The following TECPR2 variants were observed in gnomAD, a reference collection of about 807,000 sequenced individuals.
TECPR2 encodes the protein tectonin beta-propeller repeat-containing protein 2.
Under a neutral mutation model 138.1 loss-of-function variants are expected in TECPR2, and 65 were observed. The observed-to-expected ratio is 0.47, with a 90% CI of 0.39 to 0.58. The LOEUF (loss-of-function observed/expected upper bound fraction) is 0.58, where lower values mean the gene tolerates loss of function less well. Ranked by LOEUF, TECPR2 falls within the 20% of genes least tolerant of loss-of-function variation. TECPR2 has a pLI of 0.00. For synonymous variants in TECPR2, 746 were observed against 749.8 expected (o/e 0.99, Z 0.08); for missense variants, 1,553 against 1,824.5 (o/e 0.85, Z 2.71).
intron 4 of TECPR2, among the ~76,000 whole-genome samples, chr14:102,414,161 T>C (rs1206594954): frequency 1.3e-5 from 2 of 152,236 alleles, no homozygotes; most frequent in African/African-American, 2.4e-5. Flanking sequence ...GAGGGGAGAC[T>C]ATAATATGAA....
chr14:102,472,643 C>T (rs2139778186), intron 17 of TECPR2, among the ~76,000 whole-genome samples: 1 of 152,358 alleles, frequency 6.6e-6, no homozygotes, highest in East Asian at 1.9e-4. Flanking sequence ...GGAAAGAAAT[C>T]AGGCTTCACA....
At chr14:102,492,502 T>A (rs1891180480) in intron 17 of TECPR2, among the ~76,000 whole-genome samples, 1 of 152,222 alleles carries the variant, frequency 6.6e-6, no homozygotes, top group Admixed American at 6.5e-5. Flanking sequence ...CCTCCAGTAA[T>A]ACAAAATAGA....
rs1436850510 is a variant in TECPR2, at chr14:102,414,767, GC to G, written c.613del (p.Gln205LysfsTer27). ...LFYTEEKSVR[Q>X]IGTQPRKSTG... ...TTTACACTGAAGAAAAGTCTGTAAG[GC>G]AAATTGGAACACAACCAAGGAAAAG... is the stretch of plus-strand genomic sequence containing the variant. On this transcript the variant is annotated frameshift_variant, in exon 5 of 20. Coordinates refer to ENST00000359520, the MANE Select transcript of TECPR2 (RefSeq NM_014844.5). LOFTEE classifies it high-confidence loss of function. The G allele has an allele frequency of 6.2e-7, 1 of 1,614,060 alleles. No homozygotes were observed. The highest frequency in any genetic ancestry group is 8.5e-7 in the Non-Finnish European group (1 of 1,180,030).
At chr14:102,458,964 C>CATATATAT (rs1162146439) in intron 16 of TECPR2, among the ~76,000 whole-genome samples, 7 of 79,276 alleles carry the variant, frequency 8.8e-5, no homozygotes, top group African/African-American at 3.8e-4. Context: ...AAAAAATACA[C>CATATATAT]ACATATATAT....
intron 2 of TECPR2, among the ~76,000 whole-genome samples, chr14:102,387,910 A>G (rs1888056334): frequency 6.6e-6 from 1 of 152,222 alleles, no homozygotes; most frequent in Non-Finnish European, 1.5e-5. Flanking sequence ...AGCATGACCA[A>G]CACACCATAC....
intron 1 of TECPR2, among the ~76,000 whole-genome samples, chr14:102,365,671 G>A (rs114811764): frequency 0.013 from 1,925 of 152,294 alleles, 44 homozygotes; most frequent in African/African-American, 0.043. Context: ...CAGAATAGGC[G>A]AACTGTAGAC....
In TECPR2 at chr14:102,497,558, G is replaced by T. The variant is rs1891318411; in HGVS notation, c.3932-12G>T. On this transcript the variant is annotated splice_polypyrimidine_tract_variant and intron_variant, in intron 18 of 19. Coordinates refer to ENST00000359520, the MANE Select transcript of TECPR2 (RefSeq NM_014844.5). ...ATGGCAGGGGCTCAGGAGGGACCCT[G>T]TCTGCCCACAGGGTTGCAGGCCTGC... 1 of 1,571,768 alleles carries T rather than the reference G, an allele frequency of 6.4e-7. No individual in the cohort carries two copies. The highest frequency in any genetic ancestry group is 8.6e-7 in the Non-Finnish European group (1 of 1,156,350).
At chr14:102,482,235 T>G (rs1348172971) in intron 17 of TECPR2, among the ~76,000 whole-genome samples, 4 of 152,066 alleles carry the variant, frequency 2.6e-5, no homozygotes, top group Non-Finnish European at 5.9e-5. Flanking sequence ...TTTGTATTTT[T>G]AATAGAGACA....
chr14:102,405,264 G>T (rs988651130), intron 2 of TECPR2, among the ~76,000 whole-genome samples: 1 of 152,098 alleles, frequency 6.6e-6, no homozygotes, highest in African/African-American at 2.4e-5. Flanking sequence ...AGCCAAGGTT[G>T]CACCATTGCA....
intron 11 of TECPR2, among the ~76,000 whole-genome samples, chr14:102,442,733 T>C (rs976425263): frequency 6.6e-6 from 1 of 152,172 alleles, no homozygotes; most frequent in Middle Eastern, 3.2e-3. Flanking sequence ...GAAGGAAATA[T>C]CACCCAAGGA....
chr14:102,457,196 T>C (rs1890295464), intron 16 of TECPR2, among the ~76,000 whole-genome samples: 1 of 152,032 alleles, frequency 6.6e-6, no homozygotes, highest in African/African-American at 2.4e-5. Context: ...GTGATTCTCC[T>C]GCCTCAGCCT....
At chr14:102,465,400 C>T (rs1034535299) in intron 17 of TECPR2, 111 bp downstream of exon 17, 22 of 1,471,758 alleles carry the variant, frequency 1.5e-5, no homozygotes, top group Non-Finnish European at 1.4e-5. Flanking sequence ...CCAGCAAATG[C>T]GGGGAGCCAT....
At chr14:102,461,980 C>T (rs1446577600) in intron 16 of TECPR2, among the ~76,000 whole-genome samples, 1 of 152,226 alleles carries the variant, frequency 6.6e-6, no homozygotes, top group Admixed American at 6.5e-5. Flanking sequence ...CTCAGTTCAA[C>T]TTTGTCATCT....
At chr14:102,460,970 C>T (rs12880151) in intron 16 of TECPR2, among the ~76,000 whole-genome samples, 33,348 of 151,938 alleles carry the variant, frequency 0.22, 4,340 homozygotes, top group Middle Eastern at 0.31. Context: ...GCTGGGATTA[C>T]AGGTGTGAGC....
chr14:102,472,043 C>T (rs765101091), intron 17 of TECPR2, among the ~76,000 whole-genome samples: 14 of 152,182 alleles, frequency 9.2e-5, no homozygotes, highest in South Asian at 2.1e-4. Context: ...AGTGCAAGAG[C>T]GAGATTTGCA....
At chr14:102,426,548 G>C (rs962153130) in intron 6 of TECPR2, among the ~76,000 whole-genome samples, 1 of 152,112 alleles carries the variant, frequency 6.6e-6, no homozygotes, top group Non-Finnish European at 1.5e-5. Context: ...GAGCCTCACT[G>C]TAGAAAATAA....
At chr14:102,468,328 C>T (rs1890594786) in intron 17 of TECPR2, among the ~76,000 whole-genome samples, 1 of 152,060 alleles carries the variant, frequency 6.6e-6, no homozygotes, top group South Asian at 2.1e-4. Context: ...GCTAGGATTA[C>T]AGGCATGCAC....
At chr14:102,385,221 T>C (rs887867501) in intron 2 of TECPR2, among the ~76,000 whole-genome samples, 15 of 152,088 alleles carry the variant, frequency 9.9e-5, no homozygotes, top group Admixed American at 9.8e-4. Context: ...GAAGCCAGAC[T>C]CTTTTTAACA....
intron 17 of TECPR2, among the ~76,000 whole-genome samples, chr14:102,479,347 T>C (rs1890835328): frequency 6.6e-6 from 1 of 152,208 alleles, no homozygotes; most frequent in South Asian, 2.1e-4. Flanking sequence ...ATTAGCTCTG[T>C]GGGCTTCTAG....
Sources: gnomAD v4.1 joint callset for allele counts (sites outside exome capture counted in the v4.1 genomes callset) on GRCh38, gnomAD v4.1.1 for gene constraint, MANE v1.5 for transcripts, NCBI Gene and HGNC (gene_info 2026-07-23, HGNC 2026-07-21) for gene names.